CENPC: variants seen among roughly 807,000 people sequenced by gnomAD.
The protein encoded by CENPC is CENP-C 1.
CENPC carries 63 observed loss-of-function variants against 112.1 expected under a neutral mutation model. That is an observed-to-expected ratio of 0.56 (90% CI 0.46 to 0.69). The LOEUF (loss-of-function observed/expected upper bound fraction) is 0.69. Ranked by LOEUF, CENPC falls within the 30% of genes least tolerant of loss-of-function variation. The pLI, the probability that CENPC is intolerant of heterozygous loss-of-function variation, is 0.00. For synonymous variants in CENPC, 333 were observed against 367.6 expected, an observed-to-expected ratio of 0.91 and a Z score of 1.08; for missense variants, 1,000 against 1,103.8, an observed-to-expected ratio of 0.91 and a Z score of 1.33.
Position 67,523,797 on chromosome 4 carries a change from T to C in CENPC, c.332-4295A>G, listed in dbSNP as rs186904182. ...CATTACCCAGTAAAAGAAATCATGA[T>C]TCCATGAAGAAATGGTTGATTCTGG... On this transcript the variant is annotated intron_variant, in intron 5 of 18. Coordinates refer to ENST00000273853, the MANE Select transcript of CENPC (RefSeq NM_001812.4). 2.4e-3 allele frequency among the ~76,000 whole-genome samples: 365 copies of C among 152,186 alleles called. 2 individuals are homozygous for C. The highest frequency in any genetic ancestry group is 8.3e-3 in the African/African-American group (344 of 41,516).
intron 3 of CENPC, among the ~76,000 whole-genome samples, chr4:67,540,425 T>C (rs1726855208): frequency 1.3e-5 from 2 of 152,158 alleles, no homozygotes; most frequent in Non-Finnish European, 1.5e-5. Context: ...TCCCAACACT[T>C]TGGGAGGCTG....
In CENPC at chr4:67,531,145, T is replaced by C. The variant is rs143548635; in HGVS notation, c.232-231A>G. On this transcript the variant is annotated intron_variant, in intron 4 of 18. Transcript: ENST00000273853. ...CATACAACCTATCACAGAAACAATA[T>C]TACTCTAAACAGCAACTATGTGGAC... Among the ~76,000 whole-genome samples, 285 of 152,238 alleles carry C rather than the reference T, an allele frequency of 1.9e-3. 3 individuals are homozygous for C. The highest frequency in any genetic ancestry group is 6.6e-3 in the African/African-American group (274 of 41,566).
rs1726156860 is a variant in CENPC, at chr4:67,519,407, C to A, written c.427G>T (p.Asp143Tyr). 6.2e-7 allele frequency: 1 copy of A among 1,612,484 alleles called. No individual in the cohort carries two copies. Among genetic ancestry groups the A allele is most frequent in the Non-Finnish European group, 8.5e-7 (1 of 1,179,174 alleles). The part of the protein sequence containing the change: ...SKKISSRNIN[D>Y]HHSEADEEFY... ...TCTTCATCAGCTTCACTGTGATGAT[C>A]ATTTATGTTTCTACTTGATATTTTT... is the stretch of plus-strand genomic sequence containing the variant. The change falls in exon 6 of 19, where the codon GAT becomes TAT. Residue 143 changes from aspartate (D) to tyrosine (Y), a missense_variant. Asp to Tyr is a radical substitution (Grantham distance 160). Transcript: ENST00000273853.
intron 17 of CENPC, among the ~76,000 whole-genome samples, chr4:67,481,147 C>T (rs1724946655): frequency 1.3e-5 from 2 of 152,162 alleles, no homozygotes; most frequent in African/African-American, 4.8e-5. Flanking sequence ...TATACACCAG[C>T]AGCGACCAAG....
In CENPC at chr4:67,474,994, T is replaced by C. The variant is rs377237711; in HGVS notation, c.2671-16A>G. On this transcript the variant is annotated splice_polypyrimidine_tract_variant and intron_variant, in intron 17 of 18. Transcript: ENST00000273853. ...CATAAAAAACCTGTAAAAATAAAAA[T>C]AAAAATCTCATTCAAAACTGAACCA... is the stretch of plus-strand genomic sequence containing the variant. 9.1e-5 allele frequency: 124 copies of C among 1,367,166 alleles called. 2 individuals carry two copies. The highest frequency in any genetic ancestry group is 1.2e-4 in the Non-Finnish European group (119 of 1,001,216). The allele number at this position is 1,367,166 out of a possible 1,614,324, so 84.7% of individuals were successfully genotyped here.
intron 5 of CENPC, among the ~76,000 whole-genome samples, chr4:67,520,990 C>T (rs1476015920): frequency 2.0e-5 from 3 of 151,634 alleles, no homozygotes; most frequent in Admixed American, 6.6e-5. Flanking sequence ...CCAGCCTGAG[C>T]GACAGAGCAA....
chr4:67,496,822 C>G (rs1188676202), intron 12 of CENPC, among the ~76,000 whole-genome samples: 1 of 152,056 alleles, frequency 6.6e-6, no homozygotes, highest in Non-Finnish European at 1.5e-5. Flanking sequence ...GATTTGTACA[C>G]TCTAAGTGGA....
At chr4:67,530,229 G>T (rs7683427) in intron 5 of CENPC, among the ~76,000 whole-genome samples, 35,960 of 152,010 alleles carry the variant, frequency 0.24, 4,593 homozygotes, top group Non-Finnish European at 0.29. Context: ...AAACATAAAG[G>T]TGCTCAAACT....
chr4:67,544,306 A>G, intron 1 of CENPC, 111 bp from the exon 2 acceptor site: 1 of 628,886 alleles, frequency 1.6e-6, no homozygotes, highest in Non-Finnish European at 2.9e-6. Flanking sequence ...AACATCTCCT[A>G]AGGGCTCAAA....
chr4:67,472,677 TA>T lies in CENPC; in HGVS notation c.2762-3del. ...GATTTTTGATGTTATAATAGTTACCTAAAAGTAAAGTGATAAGAAAATAAAA... is the reference window on the plus strand; with the variant it reads ...GATTTTTGATGTTATAATAGTTACCTAAAGTAAAGTGATAAGAAAATAAAA... On this transcript the variant is annotated splice_region_variant and splice_polypyrimidine_tract_variant and intron_variant, in intron 18 of 18. Transcript: ENST00000273853. 6.7e-7 allele frequency: 1 copy of T among 1,501,888 alleles called. No individual in the cohort carries two copies. Among genetic ancestry groups the T allele is most frequent in the East Asian group, 2.5e-5 (1 of 39,774 alleles). 93.0% of individuals were successfully genotyped at this position (1,501,888 alleles called of 1,614,324 possible). A position where few individuals can be genotyped will look rare whatever the true frequency, so the allele number is the denominator to read the frequency against.
chr4:67,512,962 A>G lies in CENPC; in HGVS notation c.1445-393T>C, dbSNP rs571565812. The stretch of plus-strand genomic sequence containing the variant: ...AGGAGATTTAAAGTGTGATTAAATT[A>G]TAAACTCTGAAATAGAGGCATTATC... On this transcript the variant is annotated intron_variant, in intron 8 of 18. Coordinates refer to ENST00000273853, the MANE Select transcript of CENPC (RefSeq NM_001812.4). 5.3e-5 allele frequency among the ~76,000 whole-genome samples: 8 copies of G among 152,304 alleles called. No homozygotes were observed. The South Asian group carries it at 1.0e-3, about 20-fold the overall frequency.
chr4:67,491,510 GA>G (rs1560423323), intron 16 of CENPC, among the ~76,000 whole-genome samples: 6 of 138,304 alleles, frequency 4.3e-5, no homozygotes, highest in South Asian at 5.0e-4. Context: ...GAGAGAGAGA[GA>G]GAGAGAGAGA....
intron 17 of CENPC, among the ~76,000 whole-genome samples, chr4:67,475,190 T>C (rs1724770532): frequency 6.6e-6 from 1 of 152,142 alleles, no homozygotes; most frequent in South Asian, 2.1e-4. Context: ...CTAATCACAT[T>C]AAGCCCTTAA....
At chr4:67,516,262 A>T (rs1026806458) in intron 7 of CENPC, among the ~76,000 whole-genome samples, 2 of 151,984 alleles carry the variant, frequency 1.3e-5, no homozygotes, top group African/African-American at 4.8e-5. Context: ...TGATAGACTG[A>T]CTAATTTTAC....
intron 2 of CENPC, 84 bp from the exon 3 acceptor site, chr4:67,541,134 TA>T: frequency 1.2e-6 from 1 of 821,372 alleles, no homozygotes; most frequent in Non-Finnish European, 1.9e-6. Context: ...CATCTCATTA[TA>T]AAATATAAAT....
intron 17 of CENPC, among the ~76,000 whole-genome samples, chr4:67,482,251 C>CA (rs1333877634): frequency 6.6e-6 from 1 of 152,044 alleles, no homozygotes; most frequent in African/African-American, 2.4e-5. Context: ...TGGCCATAAT[C>CA]AACAAATAGT....
Position 67,469,226 on chromosome 4 carries a change from T to C in CENPC, c.*3379A>G, listed in dbSNP as rs939174466. 3.9e-5 allele frequency: 6 copies of C among 152,164 alleles called. No individual in the cohort carries two copies. Among genetic ancestry groups the C allele is most frequent in the Non-Finnish European group, 7.4e-5 (5 of 68,026 alleles). The allele number at this position is 152,164 out of a possible 1,614,324, so 9.4% of individuals were successfully genotyped here. On this transcript the variant is annotated 3_prime_UTR_variant, in exon 19 of 19. Coordinates refer to ENST00000273853, the MANE Select transcript of CENPC (RefSeq NM_001812.4). ...AGAAAAATCATTAAAAAAACTCTCA[T>C]GGGTGATGCCCACGATGGATTAATG...
chr4:67,510,376 A>G (rs1725860404), intron 9 of CENPC, among the ~76,000 whole-genome samples: 1 of 152,170 alleles, frequency 6.6e-6, no homozygotes, highest in South Asian at 2.1e-4. Flanking sequence ...AGTCTTAGGT[A>G]GCTTGCTATC....
At chr4:67,504,954 T>G (rs1379139360) in intron 12 of CENPC, 1 of 462,626 alleles carries the variant, frequency 2.2e-6, no homozygotes, top group Non-Finnish European at 3.8e-6. Flanking sequence ...CCTTATTAGC[T>G]TAACAATTTT....
Sources: gnomAD v4.1 joint callset for allele counts (sites outside exome capture counted in the v4.1 genomes callset) on GRCh38, gnomAD v4.1.1 for gene constraint, MANE v1.5 for transcripts, NCBI Gene and HGNC (gene_info 2026-07-23, HGNC 2026-07-21) for gene names.